Variants in PCDHA4 observed in about 807,000 individuals in gnomAD.
The protein encoded by PCDHA4 is protocadherin alpha-4.
PCDHA4 carries 49 observed loss-of-function variants against 61.4 expected under a neutral mutation model. The observed-to-expected ratio is 0.80, with a 90% CI of 0.63 to 1.01. The LOEUF (loss-of-function observed/expected upper bound fraction) is 1.01, where lower values mean the gene tolerates loss of function less well. PCDHA4 is among the 50% of genes least tolerant of loss of function. The probability of loss-of-function intolerance (pLI) is 0.00; values close to 1 mark genes in which losing one functional copy is unlikely to be tolerated. For synonymous variants in PCDHA4, 590 were observed against 550.3 expected, an observed-to-expected ratio of 1.07 and a Z score of -1.01; for missense variants, 1,254 against 1,235.8, an observed-to-expected ratio of 1.01 and a Z score of -0.22.
At chr5:140,871,126 C>T in intron 1 of PCDHA4, 1 of 1,613,370 alleles carries the variant, frequency 6.2e-7, no homozygotes. Context: ...CGGACAGGCG[C>T]CAAAGGCCTC....
chr5:140,978,575 G>A (rs2096810585), intron 1 of PCDHA4, among the ~76,000 whole-genome samples: 1 of 152,202 alleles, frequency 6.6e-6, no homozygotes, highest in African/African-American at 2.4e-5. Flanking sequence ...ATACTGAATT[G>A]GGAATGTTCC....
intron 1 of PCDHA4, among the ~76,000 whole-genome samples, chr5:140,880,113 C>T (rs957295411): frequency 4.6e-5 from 7 of 152,220 alleles, no homozygotes; most frequent in Admixed American, 3.3e-4. Context: ...GAAGGATAGA[C>T]AACAGGAAGC....
rs764735564 is a variant in PCDHA4, at chr5:140,871,304, G to A, written c.2385+61732G>A. On this transcript the variant is annotated intron_variant, in intron 1 of 3. Transcript: ENST00000530339. ...CCCACTGAGGGCGCGTGCGCGCCGG[G>A]GAAGCCCACGCTGGTGTGCTCCCGC... 4.3e-6 allele frequency: 7 copies of A among 1,613,850 alleles called. No individual in the cohort carries two copies. In the East Asian group the frequency reaches 1.3e-4, roughly 31 times the overall value.
chr5:140,900,618 C>A (rs1382793608), intron 1 of PCDHA4, among the ~76,000 whole-genome samples: 1 of 152,180 alleles, frequency 6.6e-6, no homozygotes, highest in Non-Finnish European at 1.5e-5. Context: ...ATGTAGATTG[C>A]TTCCAAATCT....
intron 1 of PCDHA4, among the ~76,000 whole-genome samples, chr5:140,826,666 G>A (rs1554130619): frequency 6.6e-6 from 1 of 152,130 alleles, no homozygotes; most frequent in Non-Finnish European, 1.5e-5. Flanking sequence ...CAAGTAAATT[G>A]TAGACGTAAT....
chr5:141,000,421 ATTTTT>A (rs34755515), intron 3 of PCDHA4, among the ~76,000 whole-genome samples: 89 of 27,938 alleles, frequency 3.2e-3, no homozygotes, highest in East Asian at 4.2e-3. Flanking sequence ...ATATATATAT[ATTTTT>A]TTTTTTTTTT....
chr5:140,883,649 A>T, intron 1 of PCDHA4: 1 of 1,613,516 alleles, frequency 6.2e-7, no homozygotes, highest in South Asian at 1.1e-5. Context: ...GCCCGAGTAC[A>T]CGGTGTTCGT....
At chr5:140,997,099 A>G (rs1554255700) in intron 3 of PCDHA4, among the ~76,000 whole-genome samples, 6 of 152,108 alleles carry the variant, frequency 3.9e-5, no homozygotes. Context: ...CAGAGTTCTC[A>G]TGCACTCCTG....
intron 1 of PCDHA4, among the ~76,000 whole-genome samples, chr5:140,881,694 G>C (rs1375930995): frequency 6.6e-6 from 1 of 152,126 alleles, no homozygotes; most frequent in Non-Finnish European, 1.5e-5. Flanking sequence ...TCCTTTTGGA[G>C]TCAATGGCTG....
Position 140,883,309 on chromosome 5 carries a change from C to T in PCDHA4, c.2385+73737C>T, listed in dbSNP as rs782264263. The T allele has an allele frequency of 4.3e-6, 7 of 1,613,930 alleles. No individual in the cohort carries two copies. In the Admixed American group the frequency reaches 1.2e-4, roughly 27 times the overall value. ...AAGTACTAGATGTAAATGATAACGCCCCAGAGGTTACCATCACTTCTTTGT... is the reference window on the plus strand; with the variant it reads ...AAGTACTAGATGTAAATGATAACGCTCCAGAGGTTACCATCACTTCTTTGT... On this transcript the variant is annotated intron_variant, in intron 1 of 3. Transcript: ENST00000530339.
chr5:140,959,055 C>A (rs2095463398), intron 1 of PCDHA4, among the ~76,000 whole-genome samples: 1 of 151,914 alleles, frequency 6.6e-6, no homozygotes, highest in African/African-American at 2.4e-5. Flanking sequence ...GGAAAAAATG[C>A]AGTATATATA....
intron 1 of PCDHA4, chr5:140,814,455 T>C (rs1190395244): frequency 1.3e-5 from 2 of 152,018 alleles, no homozygotes; most frequent in Admixed American, 6.6e-5. Context: ...TTTTCTTTTT[T>C]TTTTTTGAGT....
chr5:140,828,609 G>A, intron 1 of PCDHA4: 1 of 1,614,194 alleles, frequency 6.2e-7, no homozygotes, highest in South Asian at 1.1e-5. Flanking sequence ...TATAAACTCA[G>A]TTCTAGCGAA....
chr5:140,966,385 G>C (rs1486179807), intron 1 of PCDHA4: 1 of 405,050 alleles, frequency 2.5e-6, no homozygotes, highest in East Asian at 3.6e-5. Flanking sequence ...CGGGTTCGCT[G>C]TCCGCCACTT....
chr5:140,927,920 T>G (rs782193396), intron 1 of PCDHA4: 1 of 1,614,120 alleles, frequency 6.2e-7, no homozygotes, highest in Non-Finnish European at 8.5e-7. Flanking sequence ...CTGGACTTCC[T>G]GACTCTTTCG....
At chr5:140,968,716 T>C (rs1554230993) in intron 1 of PCDHA4, 2 of 1,614,058 alleles carry the variant, frequency 1.2e-6, no homozygotes, top group Admixed American at 1.7e-5. Flanking sequence ...AGATGGGAGA[T>C]GAGAGTGGTA....
intron 1 of PCDHA4, chr5:140,853,042 C>T (rs1417504758): frequency 3.7e-6 from 1 of 269,692 alleles, no homozygotes; most frequent in African/African-American, 2.3e-5. Flanking sequence ...CCATGCCCGC[C>T]TAATTTTTTT....
At chr5:140,822,934 T>G in intron 1 of PCDHA4, 10 of 1,614,238 alleles carry the variant, frequency 6.2e-6, no homozygotes, top group Non-Finnish European at 6.8e-6. Flanking sequence ...GGTGACCTGC[T>G]CCCTAATGCC....
rs2150360116 is a variant in PCDHA4 at position 140,843,442 on chromosome 5, A to G, written c.2385+33870A>G. The G allele has an allele frequency of 4.5e-5, 72 of 1,596,116 alleles. 7 individuals are homozygous for G. The highest frequency in any genetic ancestry group is 1.7e-4 in the Middle Eastern group (1 of 5,982). ...ACCTGATCATCGCCATCTGCGCGGT[A>G]TCCAGCCTGCTGGTGCTCACGCTGC... On this transcript the variant is annotated intron_variant, in intron 1 of 3. Coordinates refer to ENST00000530339, the MANE Select transcript of PCDHA4 (RefSeq NM_018907.4).
Sources: allele counts gnomAD v4.1 joint callset (sites outside exome capture counted in the v4.1 genomes callset), GRCh38; gene constraint gnomAD v4.1.1; transcripts MANE v1.5; gene names NCBI Gene and HGNC (gene_info 2026-07-23, HGNC 2026-07-21).